The following SLC24A4 variants were observed in gnomAD, a reference collection of about 807,000 sequenced individuals.
SLC24A4 encodes solute carrier family 24 member 4.
A neutral mutation model predicts 79.0 loss-of-function variants in SLC24A4; 53 were observed. The observed-to-expected ratio is 0.67, with a 90% CI of 0.54 to 0.84. SLC24A4 has a LOEUF of 0.84. SLC24A4 is among the 40% of genes least tolerant of loss of function. The pLI is 0.00. For synonymous variants in SLC24A4, 323 were observed against 323.8 expected (o/e 1.00, Z 0.03); for missense variants, 731 against 822.0 (o/e 0.89, Z 1.35).
At position 92,394,439 on chromosome 14, in the gene SLC24A4, A is replaced by G. The variant is rs186075619; in HGVS notation, c.242-39473A>G. On this transcript the variant is annotated intron_variant, in intron 2 of 16. Coordinates refer to ENST00000532405, the MANE Select transcript of SLC24A4 (RefSeq NM_153646.4). ...AGCAAGACCCCATCTCTAAAAAAAA[A>G]TTAAAAGTTAAAAAAATTAGCTGGG... Among the ~76,000 whole-genome samples, 27 of 152,198 alleles carry G rather than the reference A, an allele frequency of 1.8e-4. No individual in the cohort carries two copies. The East Asian group carries it at 3.7e-3, about 21-fold the overall frequency.
At chr14:92,405,717 A>G (rs1035849930) in intron 2 of SLC24A4, among the ~76,000 whole-genome samples, 1 of 152,040 alleles carries the variant, frequency 6.6e-6, no homozygotes, top group Non-Finnish European at 1.5e-5. Flanking sequence ...ATCAGATCTC[A>G]TGAGAACCAT....
intron 3 of SLC24A4, among the ~76,000 whole-genome samples, chr14:92,438,435 C>A (rs1163406458): frequency 6.6e-6 from 1 of 151,052 alleles, no homozygotes; most frequent in East Asian, 1.9e-4. Context: ...GAGACTCCCC[C>A]CGCCATCTCT....
chr14:92,325,555 GA>G (rs1336690176), intron 1 of SLC24A4, among the ~76,000 whole-genome samples: 10 of 152,330 alleles, frequency 6.6e-5, no homozygotes, highest in Admixed American at 5.2e-4. Context: ...TCCTTTACTG[GA>G]AGAACACTTA....
intron 11 of SLC24A4, among the ~76,000 whole-genome samples, 187 bp from the exon 12 acceptor site, chr14:92,456,217 G>A (rs1239434185): frequency 6.6e-6 from 1 of 152,198 alleles, no homozygotes; most frequent in Non-Finnish European, 1.5e-5. Context: ...TGGTAACCAT[G>A]CAAATGTAAG....
chr14:92,449,368 G>GGGC, intron 10 of SLC24A4, 152 bp downstream of exon 10: 1 of 1,119,030 alleles, frequency 8.9e-7, no homozygotes, highest in Non-Finnish European at 1.3e-6. Context: ...TCTTACCTTT[G>GGGC]ACCACAGGTG....
At chr14:92,399,083 C>T (rs1197988069) in intron 2 of SLC24A4, among the ~76,000 whole-genome samples, 1 of 152,210 alleles carries the variant, frequency 6.6e-6, no homozygotes, top group African/African-American at 2.4e-5. Context: ...CCAGCACTCT[C>T]AAGCAGTACC....
At position 92,453,888 on chromosome 14, in the gene SLC24A4, T is replaced by TG; in HGVS notation, c.881-11dup. 4 of 1,603,838 alleles carry TG rather than the reference T, an allele frequency of 2.5e-6. No individual in the cohort carries two copies. Among genetic ancestry groups the TG allele is most frequent in the Non-Finnish European group, 2.6e-6 (3 of 1,175,518 alleles). ...GAGAGATCAGCACTAATCACGGTGT[T>TG]GCGCTCAACAGTGAAGGAGAAGCCA... On this transcript the variant is annotated splice_polypyrimidine_tract_variant and intron_variant, in intron 10 of 16. Transcript: ENST00000532405.
At chr14:92,471,992 A>G (rs1473444342) in intron 12 of SLC24A4, among the ~76,000 whole-genome samples, 5 of 152,212 alleles carry the variant, frequency 3.3e-5, no homozygotes, top group Non-Finnish European at 7.3e-5. Context: ...ATGCTCTGGC[A>G]TCTGAGGCCT....
chr14:92,472,771 A>G (rs1244497862), intron 12 of SLC24A4, among the ~76,000 whole-genome samples: 4 of 152,218 alleles, frequency 2.6e-5, no homozygotes, highest in East Asian at 3.8e-4. Flanking sequence ...ACTTTTTCAC[A>G]TAATGAGTTC....
chr14:92,375,275 A>G (rs985857416), intron 2 of SLC24A4, among the ~76,000 whole-genome samples: 6 of 152,366 alleles, frequency 3.9e-5, no homozygotes, highest in Middle Eastern at 3.4e-3. Flanking sequence ...GCCTTGACTT[A>G]AAAAACAGCA....
At chr14:92,323,034 A>G (rs766072245), upstream of SLC24A4, among the ~76,000 whole-genome samples, 4 of 148,518 alleles carry the variant, frequency 2.7e-5, no homozygotes, top group Non-Finnish European at 5.9e-5. The surrounding 1 kb of genome is among the most constrained non-coding windows in gnomAD (Gnocchi z 4.9). Flanking sequence ...CAACTACTGA[A>G]GAGAAGAGTG....
chr14:92,420,563 G>A (rs924132610), intron 2 of SLC24A4, among the ~76,000 whole-genome samples: 1 of 152,122 alleles, frequency 6.6e-6, no homozygotes, highest in Admixed American at 6.5e-5. Context: ...TTCAATATAA[G>A]TACCTACTAT....
Position 92,445,356 on chromosome 14 carries a change from G to A in SLC24A4, c.683+14G>A. ...ACAAATTGTGTGGTAAGTTTTTCAA[G>A]TGTAGTTTTCATTGTTCTTTTTTGT... On this transcript the variant is annotated intron_variant, in intron 8 of 16. Transcript: ENST00000532405. 2 of 1,613,036 alleles carry A rather than the reference G, an allele frequency of 1.2e-6. No homozygotes were observed. The highest frequency in any genetic ancestry group is 1.7e-6 in the Non-Finnish European group (2 of 1,179,062).
chr14:92,347,468 G>C (rs1886604483), intron 2 of SLC24A4, among the ~76,000 whole-genome samples: 1 of 152,168 alleles, frequency 6.6e-6, no homozygotes, highest in Admixed American at 6.5e-5. Context: ...TTCTCTTATT[G>C]CTTTGGCTGC....
At chr14:92,358,163 G>A (rs79544202) in intron 2 of SLC24A4, among the ~76,000 whole-genome samples, 1 of 152,188 alleles carries the variant, frequency 6.6e-6, no homozygotes, top group Admixed American at 6.5e-5. Flanking sequence ...ACCTAGAGGG[G>A]ACACAAAGTG....
chr14:92,340,005 A>C (rs1421124918), intron 2 of SLC24A4, among the ~76,000 whole-genome samples: 1 of 152,208 alleles, frequency 6.6e-6, no homozygotes, highest in Non-Finnish European at 1.5e-5. Context: ...GCAAGATGGC[A>C]GGTGGGGGTC....
chr14:92,437,443 T>A (rs1225981193), intron 3 of SLC24A4, among the ~76,000 whole-genome samples: 1 of 152,254 alleles, frequency 6.6e-6, no homozygotes, highest in Non-Finnish European at 1.5e-5. Flanking sequence ...CCGTGCTGGC[T>A]GCTGAACAGA....
At chr14:92,329,126 C>T (rs1885321879) in intron 2 of SLC24A4, among the ~76,000 whole-genome samples, 1 of 152,216 alleles carries the variant, frequency 6.6e-6, no homozygotes. Context: ...AAGCTTGCCC[C>T]CATGAATTAG....
chr14:92,441,233 G>A lies in SLC24A4; in HGVS notation c.394-856G>A, dbSNP rs967835009. Reference sequence around the variant, plus strand: ...TGTCCTGAGAGGCCTTCTGAGAACCGCAGAGTGGGCGCCTCCAGATTGGTT... The same window carrying A: ...TGTCCTGAGAGGCCTTCTGAGAACCACAGAGTGGGCGCCTCCAGATTGGTT... On this transcript the variant is annotated intron_variant, in intron 4 of 16. Transcript: ENST00000532405. The surrounding 1 kb of genome is among the most constrained non-coding windows in gnomAD (Gnocchi z 4.6). Among the ~76,000 whole-genome samples the A allele has an allele frequency of 1.3e-5, 2 of 152,284 alleles. No individual in the cohort carries two copies. Among genetic ancestry groups the A allele is most frequent in the African/African-American group, 2.4e-5 (1 of 41,556 alleles).
Sources: allele counts gnomAD v4.1 joint callset (sites outside exome capture counted in the v4.1 genomes callset), GRCh38; gene constraint gnomAD v4.1.1; non-coding constraint Gnocchi (gnomAD v3.1); transcripts MANE v1.5; gene names NCBI Gene and HGNC (gene_info 2026-07-23, HGNC 2026-07-21).